Variants in CTNNA3 observed in about 807,000 individuals in gnomAD.
CTNNA3 encodes catenin alpha-3.
CTNNA3 carries 76 observed loss-of-function variants against 95.7 expected under a neutral mutation model. The observed-to-expected ratio is 0.79, with a 90% CI of 0.66 to 0.96. The LOEUF is 0.96. CTNNA3 is among the 40% of genes least tolerant of loss of function. The pLI is 0.00. For synonymous variants in CTNNA3, 431 were observed against 374.4 expected, an observed-to-expected ratio of 1.15 and a Z score of -1.74; for missense variants, 1,191 against 1,089.8, an observed-to-expected ratio of 1.09 and a Z score of -1.31.
chr10:66,284,729 T>C (rs1373905208), intron 12 of CTNNA3, among the ~76,000 whole-genome samples: 1 of 151,982 alleles, frequency 6.6e-6, no homozygotes, highest in African/African-American at 2.4e-5. Flanking sequence ...CTACCATTAA[T>C]AAAGCCCAGA....
chr10:67,511,642 T>C (rs544667425), intron 5 of CTNNA3, among the ~76,000 whole-genome samples: 1 of 152,342 alleles, frequency 6.6e-6, no homozygotes, highest in African/African-American at 2.4e-5. Flanking sequence ...TCAGGGATAT[T>C]GGTCTAAAAT....
chr10:67,484,355 A>T (rs1401855622), intron 5 of CTNNA3, among the ~76,000 whole-genome samples: 8 of 152,214 alleles, frequency 5.3e-5, no homozygotes, highest in Admixed American at 5.2e-4. Context: ...GTAAGACCTC[A>T]AACTATAGGA....
chr10:67,140,239 A>T (rs1053309019), intron 7 of CTNNA3, among the ~76,000 whole-genome samples: 1 of 152,172 alleles, frequency 6.6e-6, no homozygotes, highest in South Asian at 2.1e-4. Context: ...TCTTTATAAG[A>T]TGGTTTTATT....
Position 67,035,055 on chromosome 10 carries a change from T to C in CTNNA3, c.1047+145262A>G, listed in dbSNP as rs557011503. Among the ~76,000 whole-genome samples, 6 of 152,338 alleles carry C rather than the reference T, an allele frequency of 3.9e-5. No homozygotes were observed. In the South Asian group the frequency reaches 1.2e-3, roughly 32 times the overall value. On this transcript the variant is annotated intron_variant, in intron 7 of 17. Coordinates refer to ENST00000433211, the MANE Select transcript of CTNNA3 (RefSeq NM_013266.4). ...ACCAGTTAGAAGTGCTCACTGTATT[T>C]TATGAATACTGATAGCTCCGCATAG...
intron 13 of CTNNA3, among the ~76,000 whole-genome samples, chr10:66,171,153 C>T (rs2085406876): frequency 6.6e-6 from 1 of 151,526 alleles, no homozygotes; most frequent in South Asian, 2.1e-4. Flanking sequence ...AAATATCTCA[C>T]AATGACCTGA....
chr10:67,746,739 G>A (rs1293196382), intron 1 of CTNNA3, among the ~76,000 whole-genome samples: 7 of 152,152 alleles, frequency 4.6e-5, no homozygotes, highest in Admixed American at 3.9e-4. Context: ...AGGGCCTTGG[G>A]TCCCAACCAC....
intron 16 of CTNNA3, among the ~76,000 whole-genome samples, chr10:65,967,377 G>A (rs1219478201): frequency 1.3e-5 from 2 of 152,170 alleles, no homozygotes; most frequent in Admixed American, 1.3e-4. Flanking sequence ...TATTTAAAAT[G>A]TAATTATTTC....
At chr10:66,489,778 G>T (rs1839860570) in intron 11 of CTNNA3, among the ~76,000 whole-genome samples, 1 of 152,140 alleles carries the variant, frequency 6.6e-6, no homozygotes, top group Non-Finnish European at 1.5e-5. Context: ...AAACCCACTG[G>T]ATTCTTTGTT....
In CTNNA3 at chr10:66,541,721, C is replaced by G. The variant is rs572753312; in HGVS notation, c.1375-20948G>C. Among the ~76,000 whole-genome samples, 6 of 152,168 alleles carry G rather than the reference C, an allele frequency of 3.9e-5. No homozygotes were observed. In the South Asian group the frequency reaches 1.2e-3, roughly 32 times the overall value. The stretch of plus-strand genomic sequence containing the variant: ...ATAGATAAACTCTTAGATTGTGAAA[C>G]ATGCACTTACCCCAAGAGAGAAGTC... On this transcript the variant is annotated intron_variant, in intron 10 of 17. Coordinates refer to ENST00000433211, the MANE Select transcript of CTNNA3 (RefSeq NM_013266.4).
intron 6 of CTNNA3, among the ~76,000 whole-genome samples, chr10:67,203,743 T>C (rs528227420): frequency 6.6e-6 from 1 of 152,322 alleles, no homozygotes; most frequent in South Asian, 2.1e-4. Context: ...ACAATACCTG[T>C]TTGATTGTCC....
intron 12 of CTNNA3, among the ~76,000 whole-genome samples, chr10:66,299,573 T>C (rs892451755): frequency 1.3e-5 from 2 of 152,324 alleles, no homozygotes; most frequent in Non-Finnish European, 2.9e-5. Context: ...CTGAACTATT[T>C]AGCCTTCACT....
At chr10:66,005,684 C>T (rs1292745918) in intron 15 of CTNNA3, among the ~76,000 whole-genome samples, 1 of 152,032 alleles carries the variant, frequency 6.6e-6, no homozygotes, top group Non-Finnish European at 1.5e-5. Flanking sequence ...TATAAATACT[C>T]CTTGAAAGCA....
Position 66,188,593 on chromosome 10 carries a change from C to CTGTGTG in CTNNA3, c.1885-85345_1885-85344insCACACA, listed in dbSNP as rs1357549840. 3.5e-4 allele frequency among the ~76,000 whole-genome samples: 37 copies of CTGTGTG among 104,644 alleles called. No homozygotes were observed. The South Asian group carries it at 4.7e-3, about 13-fold the overall frequency. 68.7% of individuals were successfully genotyped at this position (104,644 alleles called of 152,430 possible). On this transcript the variant is annotated intron_variant, in intron 13 of 17. Transcript: ENST00000433211. Reference sequence around the variant, plus strand: ...GTGTGTGTGTGGGGGGAGGGGGGGTCTCTGTGTGTGTGTGTGTGTGTGTGT... The same window carrying CTGTGTG: ...GTGTGTGTGTGGGGGGAGGGGGGGTCTGTGTGTCTGTGTGTGTGTGTGTGTGTGTGT...
intron 9 of CTNNA3, among the ~76,000 whole-genome samples, chr10:66,654,961 A>G (rs1170806088): frequency 6.6e-6 from 1 of 152,080 alleles, no homozygotes; most frequent in Non-Finnish European, 1.5e-5. Context: ...AGTTGGGGAA[A>G]TAATGGTCAA....
At chr10:66,984,820 TA>T (rs1850636545) in intron 7 of CTNNA3, among the ~76,000 whole-genome samples, 1 of 152,188 alleles carries the variant, frequency 6.6e-6, no homozygotes, top group African/African-American at 2.4e-5. Flanking sequence ...AACTCACAAA[TA>T]AACAGAATTA....
chr10:67,659,001 G>C (rs535190434), intron 1 of CTNNA3, among the ~76,000 whole-genome samples: 1 of 151,672 alleles, frequency 6.6e-6, no homozygotes, highest in Non-Finnish European at 1.5e-5. Flanking sequence ...TTTATGAAAA[G>C]ATTCAAACAA....
At chr10:67,506,123 C>T (rs760301099) in intron 5 of CTNNA3, among the ~76,000 whole-genome samples, 7 of 152,078 alleles carry the variant, frequency 4.6e-5, no homozygotes, top group Non-Finnish European at 1.0e-4. Context: ...TAAAGACATC[C>T]AATCTAAAAT....
At chr10:66,416,328 A>T (rs1307804427) in intron 11 of CTNNA3, among the ~76,000 whole-genome samples, 1 of 152,044 alleles carries the variant, frequency 6.6e-6, no homozygotes, top group Non-Finnish European at 1.5e-5. Flanking sequence ...AAAGTGATAA[A>T]ATATATAAAT....
chr10:65,933,789 T>C (rs2077291797), intron 17 of CTNNA3, among the ~76,000 whole-genome samples: 1 of 152,188 alleles, frequency 6.6e-6, no homozygotes, highest in South Asian at 2.1e-4. Context: ...TGCCCATTTT[T>C]CCTTGATAAT....
Sources: allele counts gnomAD v4.1 joint callset (sites outside exome capture counted in the v4.1 genomes callset), GRCh38; gene constraint gnomAD v4.1.1; transcripts MANE v1.5; gene names NCBI Gene and HGNC (gene_info 2026-07-23, HGNC 2026-07-21).